Variants in MGAT5 observed in about 807,000 individuals in gnomAD.
The protein encoded by MGAT5 is alpha-1,6-mannosylglycoprotein 6-beta-N-acetylglucosaminyltransferase, also known as alpha-1,6-mannosylglycoprotein 6-beta-N-acetylglucosaminyltransferase A.
Under a neutral mutation model 94.3 loss-of-function variants are expected in MGAT5, and 30 were observed. The ratio of observed to expected loss-of-function variants is 0.32; its 90% confidence interval spans 0.24 to 0.43. The LOEUF is 0.43. MGAT5 is among the 20% of genes least tolerant of loss of function. MGAT5 has a pLI of 1.00. For synonymous variants in MGAT5, 310 were observed against 322.9 expected (o/e 0.96, Z 0.43); for missense variants, 691 against 905.5 (o/e 0.76, Z 3.04).
chr2:134,216,436 AC>A (rs1680502499), intron 1 of MGAT5, among the ~76,000 whole-genome samples: 1 of 152,106 alleles, frequency 6.6e-6, no homozygotes, highest in African/African-American at 2.4e-5. Context: ...GTAGTTTAAA[AC>A]CACTTGACAA....
At chr2:134,135,473 C>A (rs1252230944) in intron 1 of MGAT5, among the ~76,000 whole-genome samples, 1 of 151,838 alleles carries the variant, frequency 6.6e-6, no homozygotes, top group Non-Finnish European at 1.5e-5. Flanking sequence ...GCGGGCGGAT[C>A]ACGAGGTCAA....
intron 9 of MGAT5, among the ~76,000 whole-genome samples, chr2:134,356,151 T>A (rs1679726437): frequency 6.6e-6 from 1 of 152,364 alleles, no homozygotes; most frequent in Admixed American, 6.5e-5. Context: ...GGTGCTCACA[T>A]TCTGTATAGT....
intron 1 of MGAT5, among the ~76,000 whole-genome samples, chr2:134,233,883 A>G (rs58937826): frequency 6.6e-6 from 1 of 152,198 alleles, no homozygotes; most frequent in Admixed American, 6.5e-5. Context: ...TTGCCTCTCT[A>G]TTCATGCACA....
At chr2:134,155,223 C>T (rs373904093) in intron 1 of MGAT5, among the ~76,000 whole-genome samples, 1 of 152,350 alleles carries the variant, frequency 6.6e-6, no homozygotes, top group African/African-American at 2.4e-5. Context: ...ACCACCCTGG[C>T]CCAGGCTCCT....
At chr2:134,318,619 G>C in intron 3 of MGAT5, 31 bp from the exon 4 acceptor site, 1 of 1,546,712 alleles carries the variant, frequency 6.5e-7, no homozygotes, top group Middle Eastern at 1.7e-4. Context: ...GCCTGTGAAT[G>C]GGCTGCTCAG....
chr2:134,238,768 A>AC (rs1460679982), intron 1 of MGAT5, among the ~76,000 whole-genome samples: 1 of 152,012 alleles, frequency 6.6e-6, no homozygotes, highest in African/African-American at 2.4e-5. Flanking sequence ...ACATGGTGAA[A>AC]CCCTGTCTGT....
chr2:134,179,034 T>C (rs1015603617), intron 1 of MGAT5, among the ~76,000 whole-genome samples: 6 of 152,252 alleles, frequency 3.9e-5, no homozygotes, highest in African/African-American at 1.2e-4. Flanking sequence ...TGGTCATTCA[T>C]GGACATACAG....
chr2:134,234,704 G>A (rs948823701), intron 1 of MGAT5, among the ~76,000 whole-genome samples: 3 of 152,258 alleles, frequency 2.0e-5, no homozygotes, highest in Non-Finnish European at 2.9e-5. Flanking sequence ...TGGTGAATGA[G>A]GGCTGGAAGC....
At chr2:134,248,033 T>C (rs556831987) in intron 1 of MGAT5, among the ~76,000 whole-genome samples, 3 of 152,296 alleles carry the variant, frequency 2.0e-5, no homozygotes, top group East Asian at 1.9e-4. Flanking sequence ...CTGGAGTGTT[T>C]TTTTGCAGTT....
chr2:134,144,625 A>G (rs1212206662), intron 1 of MGAT5, among the ~76,000 whole-genome samples: 1 of 152,174 alleles, frequency 6.6e-6, no homozygotes, highest in Non-Finnish European at 1.5e-5. Context: ...AAGAAAATGT[A>G]AAAGCTTTAA....
chr2:134,295,599 C>G (rs961166240), intron 2 of MGAT5, among the ~76,000 whole-genome samples: 1 of 152,128 alleles, frequency 6.6e-6, no homozygotes, highest in African/African-American at 2.4e-5. Context: ...AGATTCTCTT[C>G]GAGGATGACA....
chr2:134,327,852 A>G (rs1687729257), intron 4 of MGAT5, among the ~76,000 whole-genome samples: 1 of 152,138 alleles, frequency 6.6e-6, no homozygotes, highest in Non-Finnish European at 1.5e-5. Context: ...GTCACTTAGC[A>G]TAATTGCACA....
At chr2:134,285,630 T>G (rs1325528995) in intron 2 of MGAT5, among the ~76,000 whole-genome samples, 1 of 152,208 alleles carries the variant, frequency 6.6e-6, no homozygotes, top group African/African-American at 2.4e-5. Context: ...TATACTTCAT[T>G]CCTCCTTACC....
At chr2:134,436,237 C>T (rs1235031156) in intron 14 of MGAT5, among the ~76,000 whole-genome samples, 1 of 152,166 alleles carries the variant, frequency 6.6e-6, no homozygotes, top group Non-Finnish European at 1.5e-5. Flanking sequence ...CAGCTGGGAG[C>T]CAGAATCCTA....
In MGAT5 at chr2:134,338,783, A is replaced by G. The variant is rs144442788; in HGVS notation, c.807+363A>G. Among the ~76,000 whole-genome samples, 7 of 151,994 alleles carry G rather than the reference A, an allele frequency of 4.6e-5. 1 individual carries two copies. Among genetic ancestry groups the G allele is most frequent in the African/African-American group, 1.4e-4 (6 of 41,442 alleles). On this transcript the variant is annotated intron_variant, in intron 6 of 15. Coordinates refer to ENST00000281923, the MANE Select transcript of MGAT5 (RefSeq NM_002410.5). ...AAATTTTGTATTTTTGTTGTTTTTC[A>G]TCCCTGGCTTTTGGATAGCCAGTGA...
intron 10 of MGAT5, among the ~76,000 whole-genome samples, chr2:134,371,938 T>G (rs973017086): frequency 7.6e-6 from 1 of 131,438 alleles, no homozygotes; most frequent in African/African-American, 3.6e-5. Flanking sequence ...GTTGTTTTGT[T>G]TTGTTTAAAA....
chr2:134,443,689 A>G (rs771946512), intron 15 of MGAT5, among the ~76,000 whole-genome samples: 17 of 152,224 alleles, frequency 1.1e-4, no homozygotes, highest in Admixed American at 1.1e-3. Flanking sequence ...GGAAGTTTCC[A>G]GTTCCACAGC....
intron 14 of MGAT5, among the ~76,000 whole-genome samples, chr2:134,435,266 C>G (rs1207806413): frequency 1.3e-5 from 2 of 152,236 alleles, no homozygotes; most frequent in African/African-American, 4.8e-5. Context: ...TATACACACT[C>G]TACCAAGCTA....
chr2:134,261,732 G>A (rs1258095742), intron 1 of MGAT5, among the ~76,000 whole-genome samples: 1 of 152,140 alleles, frequency 6.6e-6, no homozygotes, highest in Non-Finnish European at 1.5e-5. Flanking sequence ...AAAGAGGAGG[G>A]ACTTTGGTCT....
Sources: gnomAD v4.1 joint callset for allele counts (sites outside exome capture counted in the v4.1 genomes callset) on GRCh38, gnomAD v4.1.1 for gene constraint, MANE v1.5 for transcripts, NCBI Gene and HGNC (gene_info 2026-07-23, HGNC 2026-07-21) for gene names.